The following DCAF8L2 variants were observed in gnomAD, a reference collection of about 807,000 sequenced individuals.
DCAF8L2 encodes the protein DDB1 and CUL4 associated factor 8 like 2, also known as DDB1- and CUL4-associated factor 8-like protein 2.
For synonymous variants in DCAF8L2, 200 were observed against 190.9 expected, an observed-to-expected ratio of 1.05 and a Z score of -0.39; for missense variants, 430 against 490.7, an observed-to-expected ratio of 0.88 and a Z score of 1.17.
At chrX:27,639,197 C>T (rs970005969) in intron 2 of DCAF8L2, among the ~76,000 whole-genome samples, 5 of 111,722 alleles carry the variant, frequency 4.5e-5, no homozygotes, top group Non-Finnish European at 7.5e-5. Context: ...GAAAGACAAA[C>T]ATTGCATGTT....
the DCAF8L2 span, among the ~76,000 whole-genome samples, chrX:27,492,554 A>G: frequency 9.8e-6 from 1 of 102,422 alleles, no homozygotes; most frequent in Non-Finnish European, 2.0e-5. Context: ...ATCTCGGCTC[A>G]CTGCAACCTC....
the DCAF8L2 span, among the ~76,000 whole-genome samples, chrX:27,543,571 G>A: frequency 1.8e-5 from 2 of 111,705 alleles, no homozygotes; most frequent in African/African-American, 6.5e-5. Flanking sequence ...ATCCTTCTGG[G>A]TATGGGAGGG....
intron 3 of DCAF8L2, among the ~76,000 whole-genome samples, chrX:27,682,847 A>T (rs1165526649): frequency 9.0e-6 from 1 of 110,704 alleles, no homozygotes; most frequent in Admixed American, 9.7e-5. Flanking sequence ...CATATTTAAT[A>T]GTTCCTGTTA....
intron 4 of DCAF8L2, among the ~76,000 whole-genome samples, chrX:27,719,253 G>A (rs1193271440): frequency 1.8e-5 from 2 of 111,054 alleles, no homozygotes; most frequent in Non-Finnish European, 3.8e-5. Flanking sequence ...AGCAATTCTA[G>A]TGAATATATC....
chrX:27,503,684 T>C, the DCAF8L2 span, among the ~76,000 whole-genome samples: 1 of 111,412 alleles, frequency 9.0e-6, no homozygotes, highest in Non-Finnish European at 1.9e-5. Flanking sequence ...ACTATATTTA[T>C]ATAGCAAGTC....
At chrX:27,529,294 T>C in the DCAF8L2 span, among the ~76,000 whole-genome samples, 1 of 111,170 alleles carries the variant, frequency 9.0e-6, no homozygotes, top group Non-Finnish European at 1.9e-5. Context: ...ACCCCTAAAA[T>C]AGCCTACATT....
At chrX:27,617,938 G>A (rs1310005109) in intron 1 of DCAF8L2, among the ~76,000 whole-genome samples, 1 of 111,606 alleles carries the variant, frequency 9.0e-6, no homozygotes, top group East Asian at 2.8e-4. Context: ...AATTTTTAGT[G>A]TGCAACTTCT....
chrX:27,472,310 A>C, the DCAF8L2 span, among the ~76,000 whole-genome samples: 1 of 111,911 alleles, frequency 8.9e-6, no homozygotes, highest in East Asian at 2.8e-4. Flanking sequence ...CATAGAGGAC[A>C]ATTAGATATA....
intron 1 of DCAF8L2, among the ~76,000 whole-genome samples, chrX:27,624,842 CA>C (rs758484192): frequency 0.01 from 1,137 of 111,245 alleles, 8 homozygotes; most frequent in Non-Finnish European, 0.016. Context: ...GCACCACATA[CA>C]AAAAACTCAA....
intron 2 of DCAF8L2, among the ~76,000 whole-genome samples, chrX:27,655,415 C>A (rs1293802459): frequency 1.8e-5 from 2 of 111,927 alleles, no homozygotes; most frequent in East Asian, 5.6e-4. Flanking sequence ...GACAAACCAT[C>A]GACATAAAAA....
chrX:27,723,495 A>T (rs1167675992), intron 4 of DCAF8L2, among the ~76,000 whole-genome samples: 2 of 111,661 alleles, frequency 1.8e-5, no homozygotes, highest in East Asian at 5.6e-4. Flanking sequence ...TGAGTTTTTT[A>T]TAAATTAAAA....
At chrX:27,689,564 A>C (rs1018538305) in intron 3 of DCAF8L2, among the ~76,000 whole-genome samples, 2 of 112,948 alleles carry the variant, frequency 1.8e-5, no homozygotes, top group Non-Finnish European at 3.7e-5. Flanking sequence ...ATATACGTAC[A>C]AGAATACATT....
the DCAF8L2 span, among the ~76,000 whole-genome samples, chrX:27,521,015 T>TATGTGTAGCTATTAC: frequency 8.9e-6 from 1 of 112,243 alleles, no homozygotes; most frequent in Non-Finnish European, 1.9e-5. Flanking sequence ...TAAGTATAAG[T>TATGTGTAGCTATTAC]TTCCAACAGA....
intron 3 of DCAF8L2, among the ~76,000 whole-genome samples, chrX:27,708,915 T>C (rs1476535920): frequency 8.9e-6 from 1 of 112,662 alleles, no homozygotes; most frequent in Non-Finnish European, 1.9e-5. Context: ...TAGTTCCACC[T>C]GCTTTTCTTT....
intron 1 of DCAF8L2, among the ~76,000 whole-genome samples, chrX:27,607,655 T>C (rs187062826): frequency 1.8e-4 from 20 of 112,317 alleles, no homozygotes; most frequent in Admixed American, 4.7e-4. Flanking sequence ...CCATGGTTTT[T>C]AACTCAGTGG....
chrX:27,602,330 T>C (rs1328543896), intron 1 of DCAF8L2, among the ~76,000 whole-genome samples: 1 of 111,922 alleles, frequency 8.9e-6, no homozygotes, highest in African/African-American at 3.2e-5. Flanking sequence ...CCACCGCGCC[T>C]GGCTGAACTT....
intron 1 of DCAF8L2, among the ~76,000 whole-genome samples, chrX:27,615,435 T>C (rs183333119): frequency 6.3e-5 from 7 of 111,540 alleles, no homozygotes; most frequent in Non-Finnish European, 1.3e-4. Flanking sequence ...TTGAATACCT[T>C]CAAATTTTTG....
At chrX:27,581,696 A>C in the DCAF8L2 span, among the ~76,000 whole-genome samples, 1 of 107,473 alleles carries the variant, frequency 9.3e-6, no homozygotes, top group Non-Finnish European at 1.9e-5. Context: ...TGATTCTCCT[A>C]CCTCACCTTG....
intron 3 of DCAF8L2, among the ~76,000 whole-genome samples, chrX:27,706,121 T>C (rs914066312): frequency 1.8e-5 from 2 of 111,268 alleles, no homozygotes; most frequent in African/African-American, 6.5e-5. Flanking sequence ...CAGCCTTATT[T>C]CTTGGCTCTC....
Sources: gnomAD v4.1 joint callset for allele counts (sites outside exome capture counted in the v4.1 genomes callset) on GRCh38, gnomAD v4.1.1 for gene constraint, MANE v1.5 for transcripts, NCBI Gene and HGNC (gene_info 2026-07-23, HGNC 2026-07-21) for gene names.